GPC5: variants seen among roughly 807,000 people sequenced by gnomAD.
GPC5 encodes the protein glypican-5.
In GPC5, 47 loss-of-function variants were observed where a neutral mutation model predicts 53.9. The ratio of observed to expected loss-of-function variants is 0.87; its 90% CI spans 0.69 to 1.11. The LOEUF is 1.11. Ranked by LOEUF, GPC5 falls within the 50% of genes most tolerant of loss-of-function variation. The pLI is 0.00. For missense variants in GPC5, 748 were observed against 713.1 expected (o/e 1.05, Z -0.56); for synonymous variants, 286 against 263.3 (o/e 1.09, Z -0.84).
intron 7 of GPC5, among the ~76,000 whole-genome samples, chr13:92,300,205 C>A (rs936681371): frequency 2.0e-5 from 3 of 152,088 alleles, no homozygotes; most frequent in African/African-American, 7.2e-5. Context: ...TAAACACATA[C>A]ACAGGGAAGC....
chr13:92,107,475 C>T (rs2041519155), intron 6 of GPC5, among the ~76,000 whole-genome samples: 1 of 152,046 alleles, frequency 6.6e-6, no homozygotes, highest in African/African-American at 2.4e-5. Context: ...TGCAGACTTA[C>T]TTCCAGAATA....
chr13:91,741,738 A>G (rs1017937440), intron 4 of GPC5, among the ~76,000 whole-genome samples: 1 of 152,184 alleles, frequency 6.6e-6, no homozygotes, highest in African/African-American at 2.4e-5. Context: ...CTGAGTATAT[A>G]TGTTTGTTTA....
chr13:92,836,963 A>C (rs550253619), intron 7 of GPC5, among the ~76,000 whole-genome samples: 59 of 152,144 alleles, frequency 3.9e-4, no homozygotes, highest in African/African-American at 1.3e-3. Context: ...AATATAGAGA[A>C]ATTTTTTTCT....
intron 5 of GPC5, among the ~76,000 whole-genome samples, chr13:91,850,553 G>A (rs1469349497): frequency 6.6e-6 from 1 of 152,008 alleles, no homozygotes; most frequent in Non-Finnish European, 1.5e-5. Context: ...CTATTCTATT[G>A]TATTTCAAAC....
intron 1 of GPC5, among the ~76,000 whole-genome samples, chr13:91,435,782 C>A (rs1879892032): frequency 6.6e-6 from 1 of 152,096 alleles, no homozygotes; most frequent in South Asian, 2.1e-4. Flanking sequence ...CTCCTTGTTC[C>A]TCTGATAGAA....
intron 7 of GPC5, among the ~76,000 whole-genome samples, chr13:92,424,480 A>G (rs1876735017): frequency 6.6e-6 from 1 of 152,088 alleles, no homozygotes; most frequent in Non-Finnish European, 1.5e-5. Context: ...TCTTTATTCT[A>G]GAAACAAAAT....
intron 7 of GPC5, among the ~76,000 whole-genome samples, chr13:92,385,341 T>C (rs913842056): frequency 3.5e-5 from 3 of 86,166 alleles, no homozygotes; most frequent in Non-Finnish European, 7.0e-5. Flanking sequence ...TATATACATA[T>C]ATATACATAT....
intron 7 of GPC5, among the ~76,000 whole-genome samples, chr13:92,829,641 A>T (rs1877981133): frequency 6.6e-6 from 1 of 152,182 alleles, no homozygotes; most frequent in Admixed American, 6.6e-5. Flanking sequence ...TGTCTCTAGA[A>T]CTAAATATCT....
At chr13:92,653,416 A>G (rs1193848175) in intron 7 of GPC5, among the ~76,000 whole-genome samples, 1 of 152,232 alleles carries the variant, frequency 6.6e-6, no homozygotes, top group Non-Finnish European at 1.5e-5. Context: ...AGAATGGTGA[A>G]AGCCAGGAAG....
intron 7 of GPC5, among the ~76,000 whole-genome samples, chr13:92,335,922 A>C (rs1454207319): frequency 6.6e-6 from 1 of 152,136 alleles, no homozygotes; most frequent in Non-Finnish European, 1.5e-5. Context: ...CCAAGTCTCT[A>C]TGAAGTTCCA....
At chr13:92,577,370 A>G (rs1347948724) in intron 7 of GPC5, among the ~76,000 whole-genome samples, 2 of 152,078 alleles carry the variant, frequency 1.3e-5, no homozygotes, top group Non-Finnish European at 2.9e-5. Context: ...AATACTATAT[A>G]GCTAGATAGA....
chr13:92,335,549 T>C (rs1216186830), intron 7 of GPC5, among the ~76,000 whole-genome samples: 1 of 152,158 alleles, frequency 6.6e-6, no homozygotes, highest in Non-Finnish European at 1.5e-5. Context: ...CTCGCTTGAA[T>C]TTCTCCCCAG....
chr13:92,224,680 A>C (rs9560983), intron 7 of GPC5, among the ~76,000 whole-genome samples: 35,505 of 152,108 alleles, frequency 0.23, 4,382 homozygotes, highest in African/African-American at 0.31. Context: ...AGGGTGTCTA[A>C]ATGACAGTTC....
At chr13:91,591,519 C>T (rs1013903272) in intron 2 of GPC5, among the ~76,000 whole-genome samples, 4 of 152,136 alleles carry the variant, frequency 2.6e-5, no homozygotes, top group Non-Finnish European at 4.4e-5. Flanking sequence ...CAAACTGTAT[C>T]CTCAAAGATA....
intron 6 of GPC5, among the ~76,000 whole-genome samples, chr13:92,119,390 GTTTT>G (rs386380215): frequency 4.6e-5 from 3 of 65,672 alleles, no homozygotes; most frequent in African/African-American, 2.0e-4. Flanking sequence ...TAGGATTTTA[GTTTT>G]TTTTTTTTTT....
In GPC5 at chr13:92,552,227, G is replaced by A. The variant is rs2139017618; in HGVS notation, c.1562-314055G>A. On this transcript the variant is annotated intron_variant, in intron 7 of 7. Coordinates refer to ENST00000377067, the MANE Select transcript of GPC5 (RefSeq NM_004466.6). ...ATTTCAACAAAGCCATATTGAAATG[G>A]GGGCAGCTTTTCCAGTGCTGTAAAT... is the stretch of plus-strand genomic sequence containing the variant. 2.6e-5 allele frequency among the ~76,000 whole-genome samples: 4 copies of A among 151,946 alleles called. 1 individual carries two copies. In the South Asian group the frequency reaches 8.3e-4, roughly 31 times the overall value.
rs138971608 is a variant in GPC5, at chr13:92,083,591, C to T, written c.1402-61239C>T. On this transcript the variant is annotated intron_variant, in intron 6 of 7. Coordinates refer to ENST00000377067, the MANE Select transcript of GPC5 (RefSeq NM_004466.6). ...AGTATAATTTAAAAAAAGATCCGTA[C>T]ATTATATTTTATGTTTTTATTACCA... is the stretch of plus-strand genomic sequence containing the variant. Among the ~76,000 whole-genome samples the T allele has an allele frequency of 6.2e-3, 951 of 152,176 alleles. 4 individuals are homozygous for T. The highest frequency in any genetic ancestry group is 0.024 in the Middle Eastern group (7 of 292).
chr13:92,007,738 T>C (rs1260307362), intron 6 of GPC5, among the ~76,000 whole-genome samples: 4 of 152,200 alleles, frequency 2.6e-5, no homozygotes, highest in African/African-American at 9.7e-5. Flanking sequence ...CCTACTTGCT[T>C]TCCACTTTCT....
chr13:92,034,380 C>T (rs2040876869), intron 6 of GPC5, among the ~76,000 whole-genome samples: 1 of 151,998 alleles, frequency 6.6e-6, no homozygotes, highest in Admixed American at 6.6e-5. Flanking sequence ...TGCCTGTAAT[C>T]CCAGCTATTT....
Sources: gnomAD v4.1 joint callset for allele counts (sites outside exome capture counted in the v4.1 genomes callset) on GRCh38, gnomAD v4.1.1 for gene constraint, MANE v1.5 for transcripts, NCBI Gene and HGNC (gene_info 2026-07-23, HGNC 2026-07-21) for gene names.